Variants in FOXP1 observed in about 807,000 individuals in gnomAD.
The protein encoded by FOXP1 is forkhead box protein P1.
FOXP1 carries 15 observed loss-of-function variants against 98.2 expected under a neutral mutation model. That is an observed-to-expected ratio of 0.15 (90% confidence interval 0.10 to 0.24). The LOEUF (loss-of-function observed/expected upper bound fraction) is 0.24. Among genes scored for constraint, FOXP1 ranks in the 10% least tolerant of loss-of-function variants. The pLI is 1.00. For synonymous variants in FOXP1, 371 were observed against 314.5 expected, an observed-to-expected ratio of 1.18 and a Z score of -1.90; for missense variants, 633 against 848.5, an observed-to-expected ratio of 0.75 and a Z score of 3.15.
chr3:71,407,775 A>T (rs1289266755), intron 3 of FOXP1, among the ~76,000 whole-genome samples: 1 of 152,150 alleles, frequency 6.6e-6, no homozygotes, highest in African/African-American at 2.4e-5. Flanking sequence ...AAAAAAAAAA[A>T]ATCTCCATTT....
At chr3:71,414,125 C>T (rs890203413) in intron 3 of FOXP1, among the ~76,000 whole-genome samples, 1 of 151,854 alleles carries the variant, frequency 6.6e-6, no homozygotes, top group Non-Finnish European at 1.5e-5. Context: ...TCGGTCTTGC[C>T]GGCCATCCAA....
At chr3:71,126,514 T>A (rs115406010) in intron 6 of FOXP1, among the ~76,000 whole-genome samples, 1 of 148,672 alleles carries the variant, frequency 6.7e-6, no homozygotes, top group African/African-American at 2.5e-5. Flanking sequence ...TAAATAAAAA[T>A]AAAAAGAAAA....
intron 2 of FOXP1, among the ~76,000 whole-genome samples, chr3:71,553,825 C>G (rs1246960647): frequency 6.6e-6 from 1 of 152,154 alleles, no homozygotes; most frequent in African/African-American, 2.4e-5. Flanking sequence ...TTGTATTCAA[C>G]ATTAGTCTCA....
chr3:71,407,918 C>T (rs1257687995), intron 3 of FOXP1, among the ~76,000 whole-genome samples: 1 of 152,208 alleles, frequency 6.6e-6, no homozygotes, highest in Non-Finnish European at 1.5e-5. Flanking sequence ...GCTTCCCCAG[C>T]AGCCTGTGTA....
At chr3:71,096,064 A>T (rs1295107764) in intron 7 of FOXP1, among the ~76,000 whole-genome samples, 1 of 152,214 alleles carries the variant, frequency 6.6e-6, no homozygotes, top group African/African-American at 2.4e-5. Flanking sequence ...AAATTTACAC[A>T]AAGGCAAAAT....
rs950766538 is a variant in FOXP1 at position 70,955,065 on chromosome 3, G to A, written c.*4182C>T. The A allele has an allele frequency of 9.5e-5, 22 of 232,040 alleles. No individual in the cohort carries two copies. Among genetic ancestry groups the A allele is most frequent in the Non-Finnish European group, 1.5e-4 (18 of 117,430 alleles). 14.4% of individuals were successfully genotyped at this position (232,040 alleles called of 1,614,324 possible). Reference sequence around the variant, plus strand: ...ATTTTCAGGATAAAGAAGCAAAACTGACTTTGAAGACATCCAGAATTTCAG... The same window carrying A: ...ATTTTCAGGATAAAGAAGCAAAACTAACTTTGAAGACATCCAGAATTTCAG... On this transcript the variant is annotated 3_prime_UTR_variant, in exon 21 of 21. Transcript: ENST00000649528.
chr3:71,525,093 A>C (rs2043274159), intron 2 of FOXP1, among the ~76,000 whole-genome samples: 1 of 152,256 alleles, frequency 6.6e-6, no homozygotes, highest in African/African-American at 2.4e-5. Flanking sequence ...TGCCTGATGC[A>C]GGGTCCAAAT....
At chr3:71,062,456 A>T (rs546827759) in intron 7 of FOXP1, among the ~76,000 whole-genome samples, 1 of 152,198 alleles carries the variant, frequency 6.6e-6, no homozygotes, top group Non-Finnish European at 1.5e-5. Flanking sequence ...TTTCTATTAC[A>T]TGTCATGAGA....
chr3:71,044,113 C>A (rs1306367341), intron 10 of FOXP1, among the ~76,000 whole-genome samples: 2 of 152,170 alleles, frequency 1.3e-5, no homozygotes, highest in African/African-American at 2.4e-5. Context: ...TCAATGAGCG[C>A]TACCTACCAA....
intron 5 of FOXP1, among the ~76,000 whole-genome samples, chr3:71,269,891 TA>T (rs1037412110): frequency 5.9e-5 from 9 of 152,146 alleles, no homozygotes; most frequent in African/African-American, 1.9e-4. Context: ...GCTAAGAGAT[TA>T]AGGTAAAGAT....
intron 17 of FOXP1, among the ~76,000 whole-genome samples, chr3:70,974,708 C>T (rs1297986253): frequency 6.6e-6 from 1 of 152,158 alleles, no homozygotes; most frequent in Non-Finnish European, 1.5e-5. Flanking sequence ...TTTAAAAATC[C>T]AGACAGGGCA....
intron 5 of FOXP1, among the ~76,000 whole-genome samples, chr3:71,218,889 A>G (rs1293083822): frequency 6.6e-6 from 1 of 152,048 alleles, no homozygotes; most frequent in East Asian, 1.9e-4. Context: ...CCCCAACCAA[A>G]ATATCTTCTC....
At chr3:71,061,371 C>A (rs1371060078) in intron 7 of FOXP1, among the ~76,000 whole-genome samples, 3 of 152,066 alleles carry the variant, frequency 2.0e-5, no homozygotes, top group Non-Finnish European at 4.4e-5. Context: ...ATGTTACGTG[C>A]AAAGATACAT....
intron 2 of FOXP1, among the ~76,000 whole-genome samples, chr3:71,526,868 G>A (rs1314002453): frequency 6.6e-6 from 1 of 151,940 alleles, no homozygotes; most frequent in African/African-American, 2.4e-5. Flanking sequence ...TTGGGAGGCT[G>A]GGGCAGGAGA....
intron 6 of FOXP1, among the ~76,000 whole-genome samples, chr3:71,129,524 A>G (rs2059436789): frequency 2.6e-5 from 4 of 152,196 alleles, no homozygotes; most frequent in Admixed American, 2.6e-4. Context: ...AGTAATAACA[A>G]TTCTCTTAAG....
At chr3:71,117,523 C>T (rs773818953) in intron 6 of FOXP1, among the ~76,000 whole-genome samples, 7 of 151,780 alleles carry the variant, frequency 4.6e-5, no homozygotes, top group Non-Finnish European at 7.4e-5. Context: ...ATACAGAATG[C>T]GTGTGAATAT....
chr3:71,580,942 G>C lies in FOXP1; in HGVS notation c.-298+607C>G, dbSNP rs930823878. On this transcript the variant is annotated intron_variant, in intron 2 of 20. Coordinates refer to ENST00000649528, the MANE Select transcript of FOXP1 (RefSeq NM_001349338.3). ...GAAAATGCTAACTTGGAAAATACCT[G>C]TGAGCAGACATGAGCGCAATTCCAG... 6.2e-5 allele frequency: 61 copies of C among 985,288 alleles called. 1 individual carries two copies. The highest frequency in any genetic ancestry group is 7.0e-5 in the Non-Finnish European group (58 of 829,938). 61.0% of individuals were successfully genotyped at this position (985,288 alleles called of 1,614,324 possible).
At chr3:71,033,425 CATG>C (rs1272945934) in intron 11 of FOXP1, among the ~76,000 whole-genome samples, 1 of 151,944 alleles carries the variant, frequency 6.6e-6, no homozygotes, top group Non-Finnish European at 1.5e-5. Context: ...TCTCCAGACC[CATG>C]ATGTCATTTT....
chr3:71,553,533 G>C (rs58592980), intron 2 of FOXP1, among the ~76,000 whole-genome samples: 1,858 of 152,056 alleles, frequency 0.012, 47 homozygotes, highest in African/African-American at 0.043. Flanking sequence ...GTTCTTCACT[G>C]GTTTTTTCAG....
Sources: allele counts gnomAD v4.1 joint callset (sites outside exome capture counted in the v4.1 genomes callset), GRCh38; gene constraint gnomAD v4.1.1; transcripts MANE v1.5; gene names NCBI Gene and HGNC (gene_info 2026-07-23, HGNC 2026-07-21).